The following DLG2 variants were observed in gnomAD, a reference collection of about 807,000 sequenced individuals.
The protein encoded by DLG2 is discs large MAGUK scaffold protein 2, also known as disks large homolog 2.
DLG2 carries 45 observed loss-of-function variants against 132.5 expected under a neutral mutation model. The ratio of observed to expected loss-of-function variants is 0.34; its 90% CI spans 0.27 to 0.44. The LOEUF is 0.44. Ranked by LOEUF, DLG2 falls within the 20% of genes least tolerant of loss-of-function variation. The pLI is 1.00. For synonymous variants in DLG2, 424 were observed against 419.6 expected (o/e 1.01, Z -0.13); for missense variants, 1,045 against 1,196.9 (o/e 0.87, Z 1.87).
At chr11:85,308,621 G>T (rs1596122553) in intron 3 of DLG2, among the ~76,000 whole-genome samples, 1 of 152,112 alleles carries the variant, frequency 6.6e-6, no homozygotes, top group Non-Finnish European at 1.5e-5. Context: ...AATGATGATG[G>T]CCAGATTTTT....
At chr11:84,702,829 A>C (rs1046947551) in intron 6 of DLG2, among the ~76,000 whole-genome samples, 3 of 151,704 alleles carry the variant, frequency 2.0e-5, no homozygotes, top group Non-Finnish European at 3.0e-5. Flanking sequence ...GAGGGACTAC[A>C]TCTATTTTCT....
chr11:83,888,876 A>T (rs2068788742), intron 15 of DLG2, among the ~76,000 whole-genome samples: 1 of 152,240 alleles, frequency 6.6e-6, no homozygotes, highest in South Asian at 2.1e-4. Context: ...TATTTAATAC[A>T]TGGTGCTGGG....
intron 9 of DLG2, among the ~76,000 whole-genome samples, chr11:84,130,976 A>T (rs1192092006): frequency 6.6e-6 from 1 of 152,082 alleles, no homozygotes; most frequent in African/African-American, 2.4e-5. Context: ...TGCAATTAAG[A>T]TATTTAAATC....
chr11:84,502,479 T>C (rs374262772), intron 7 of DLG2, among the ~76,000 whole-genome samples: 5 of 149,336 alleles, frequency 3.3e-5, no homozygotes, highest in Admixed American at 2.0e-4. Flanking sequence ...CACTGCAGCC[T>C]CCATCTCCCA....
intron 7 of DLG2, among the ~76,000 whole-genome samples, chr11:84,302,954 C>G (rs910490009): frequency 4.0e-5 from 6 of 151,776 alleles, no homozygotes; most frequent in Non-Finnish European, 8.8e-5. Flanking sequence ...CACACACAGA[C>G]AGACACACAC....
At position 84,502,198 on chromosome 11, in the gene DLG2, CTCTCCTTCCTTCCT is replaced by C. The variant is rs1478287750; in HGVS notation, c.519+32358_519+32371del. 7.3e-3 allele frequency among the ~76,000 whole-genome samples: 66 copies of C among 9,042 alleles called. 15 individuals carry two copies. The highest frequency in any genetic ancestry group is 0.011 in the Admixed American group (24 of 2,116). 5.9% of individuals were successfully genotyped at this position (9,042 alleles called of 152,430 possible). A position where few individuals can be genotyped will look rare whatever the true frequency, so the allele number is the denominator to read the frequency against. The stretch of plus-strand genomic sequence containing the variant: ...TCTTTCTCTCTCTTTCTCTCTCTCT[CTCTCCTTCCTTCCT>C]TCCTTCCTTCCTTCCTTCCTTCCTT... On this transcript the variant is annotated intron_variant, in intron 7 of 27. Transcript: ENST00000376104.
chr11:84,334,855 C>G (rs77380278), intron 7 of DLG2, among the ~76,000 whole-genome samples: 6 of 151,912 alleles, frequency 3.9e-5, no homozygotes, highest in Non-Finnish European at 8.8e-5. Flanking sequence ...GGATGGGTTC[C>G]TTGAGAAAGT....
At chr11:84,035,234 T>G (rs912089966) in intron 11 of DLG2, among the ~76,000 whole-genome samples, 1 of 152,302 alleles carries the variant, frequency 6.6e-6, no homozygotes, top group Non-Finnish European at 1.5e-5. Flanking sequence ...ATTTTTCTCA[T>G]GTATCCAACA....
At chr11:83,835,988 G>A (rs1039023607) in intron 16 of DLG2, among the ~76,000 whole-genome samples, 2 of 152,286 alleles carry the variant, frequency 1.3e-5, no homozygotes, top group East Asian at 3.9e-4. Context: ...GGCTTATGTA[G>A]TTGTGGAGGC....
At chr11:84,558,671 C>T (rs548841493) in intron 6 of DLG2, among the ~76,000 whole-genome samples, 1 of 152,202 alleles carries the variant, frequency 6.6e-6, no homozygotes, top group Non-Finnish European at 1.5e-5. Flanking sequence ...CCCCAGCTCC[C>T]TATACACACA....
At chr11:84,335,020 A>G (rs1388273846) in intron 7 of DLG2, among the ~76,000 whole-genome samples, 1 of 152,178 alleles carries the variant, frequency 6.6e-6, no homozygotes, top group Non-Finnish European at 1.5e-5. Flanking sequence ...GCAAATAGCT[A>G]AAATTTGCAG....
At chr11:85,528,172 G>C (rs546894304) in intron 3 of DLG2, among the ~76,000 whole-genome samples, 1 of 152,184 alleles carries the variant, frequency 6.6e-6, no homozygotes, top group Non-Finnish European at 1.5e-5. Flanking sequence ...TTGCTGAGCA[G>C]ACGCTCTTTA....
intron 6 of DLG2, among the ~76,000 whole-genome samples, chr11:84,723,773 C>G (rs1055686533): frequency 2.6e-5 from 4 of 152,098 alleles, no homozygotes; most frequent in Non-Finnish European, 4.4e-5. Flanking sequence ...AAAATAACTA[C>G]TCTTAATTAG....
intron 21 of DLG2, among the ~76,000 whole-genome samples, chr11:83,520,790 C>T (rs986547645): frequency 1.3e-5 from 2 of 152,104 alleles, no homozygotes; most frequent in Non-Finnish European, 2.9e-5. Context: ...TGATTTGACT[C>T]AATAGCCTTC....
chr11:84,909,833 G>T (rs1203981622), intron 6 of DLG2, among the ~76,000 whole-genome samples: 2 of 152,134 alleles, frequency 1.3e-5, no homozygotes, highest in Admixed American at 6.5e-5. Flanking sequence ...ATTCTGCCCA[G>T]GATGTTCCCA....
chr11:84,420,325 A>T (rs1016527152), intron 7 of DLG2, among the ~76,000 whole-genome samples: 14 of 152,312 alleles, frequency 9.2e-5, no homozygotes, highest in African/African-American at 3.1e-4. Context: ...CTGTGAAGAG[A>T]CAAGTCCCTT....
intron 6 of DLG2, among the ~76,000 whole-genome samples, chr11:84,937,497 G>A (rs1169583234): frequency 6.6e-6 from 1 of 152,120 alleles, no homozygotes; most frequent in African/African-American, 2.4e-5. Flanking sequence ...GTCCAGAGAA[G>A]GGGTGGTTAC....
chr11:84,945,634 C>T (rs1432506847), intron 6 of DLG2, among the ~76,000 whole-genome samples: 1 of 152,184 alleles, frequency 6.6e-6, no homozygotes, highest in Non-Finnish European at 1.5e-5. Flanking sequence ...AGGCTTATGG[C>T]CTTTTCTTTA....
intron 3 of DLG2, among the ~76,000 whole-genome samples, chr11:85,459,040 C>T (rs962123034): frequency 2.0e-5 from 3 of 152,186 alleles, no homozygotes; most frequent in Admixed American, 6.5e-5. Context: ...TAGGAAGGCC[C>T]GCCTGGTGAT....
Sources: allele counts gnomAD v4.1 joint callset (sites outside exome capture counted in the v4.1 genomes callset), GRCh38; gene constraint gnomAD v4.1.1; transcripts MANE v1.5; gene names NCBI Gene and HGNC (gene_info 2026-07-23, HGNC 2026-07-21).